Variants in BCL9 observed in about 807,000 individuals in gnomAD.
BCL9 encodes the protein B-cell CLL/lymphoma 9 protein.
A neutral mutation model predicts 88.5 loss-of-function variants in BCL9; 25 were observed. The observed-to-expected ratio is 0.28, with a 90% CI of 0.21 to 0.39. The LOEUF is 0.39. Among genes scored for constraint, BCL9 ranks in the 10% least tolerant of loss-of-function variants. The pLI, the probability that BCL9 is intolerant of heterozygous loss-of-function variation, is 1.00. For synonymous variants in BCL9, 711 were observed against 673.3 expected, an observed-to-expected ratio of 1.06 and a Z score of -0.87; for missense variants, 1,817 against 1,877.8, an observed-to-expected ratio of 0.97 and a Z score of 0.60.
chr1:147,598,629 A>G (rs1444370191), intron 1 of BCL9, among the ~76,000 whole-genome samples: 1 of 152,220 alleles, frequency 6.6e-6, no homozygotes, highest in Non-Finnish European at 1.5e-5. Context: ...CAGAAGATTT[A>G]TCTCGTCCTC....
intron 1 of BCL9, among the ~76,000 whole-genome samples, chr1:147,553,770 T>C (rs1654990418): frequency 6.6e-6 from 1 of 152,248 alleles, no homozygotes; most frequent in Admixed American, 6.5e-5. Flanking sequence ...GTAATTATTA[T>C]TAATAAGCAT....
intron 1 of BCL9, among the ~76,000 whole-genome samples, chr1:147,591,529 T>C (rs1170659624): frequency 6.6e-6 from 1 of 152,150 alleles, no homozygotes; most frequent in Non-Finnish European, 1.5e-5. Flanking sequence ...ATTGCGTATA[T>C]AAATAAGATC....
At chr1:147,595,796 G>T (rs1286012132) in intron 1 of BCL9, among the ~76,000 whole-genome samples, 1 of 152,192 alleles carries the variant, frequency 6.6e-6, no homozygotes, top group Non-Finnish European at 1.5e-5. Flanking sequence ...GAGATTTGGA[G>T]ATAAATGGTT....
intron 1 of BCL9, among the ~76,000 whole-genome samples, chr1:147,549,122 G>A (rs1393817930): frequency 6.6e-6 from 1 of 151,478 alleles, no homozygotes; most frequent in Non-Finnish European, 1.5e-5. Flanking sequence ...GATTACAGGT[G>A]TGCACCATGA....
chr1:147,598,598 C>T (rs1401971187), intron 1 of BCL9, among the ~76,000 whole-genome samples: 1 of 152,174 alleles, frequency 6.6e-6, no homozygotes, highest in Non-Finnish European at 1.5e-5. Context: ...TGGTTAAAAC[C>T]ATGGGTGATA....
At chr1:147,606,530 C>A (rs1657719297) in intron 2 of BCL9, among the ~76,000 whole-genome samples, 1 of 152,156 alleles carries the variant, frequency 6.6e-6, no homozygotes, top group Admixed American at 6.5e-5. Context: ...GTTTATATTT[C>A]TCCAGCCTCT....
chr1:147,585,153 G>T (rs1553199048), intron 1 of BCL9, among the ~76,000 whole-genome samples: 1 of 152,194 alleles, frequency 6.6e-6, no homozygotes, highest in African/African-American at 2.4e-5. Flanking sequence ...CTTTAGGGGA[G>T]CGGAGATTGT....
At chr1:147,553,981 C>T (rs782231634) in intron 1 of BCL9, among the ~76,000 whole-genome samples, 1 of 152,278 alleles carries the variant, frequency 6.6e-6, no homozygotes, top group Middle Eastern at 3.4e-3. Flanking sequence ...CTGAATTACT[C>T]TACTTGTAAG....
rs138526645 is a variant in BCL9 at position 147,597,669 on chromosome 1, G to A, written c.-477-7108G>A. Reference sequence around the variant, plus strand: ...GAAAATTCAGAGGGCAAAAATTCTAGTAAAATAACCTATTTAATAGAATAA... The same window carrying A: ...GAAAATTCAGAGGGCAAAAATTCTAATAAAATAACCTATTTAATAGAATAA... On this transcript the variant is annotated intron_variant, in intron 1 of 9. Transcript: ENST00000234739. Among the ~76,000 whole-genome samples the A allele has an allele frequency of 3.7e-3, 565 of 152,218 alleles. 4 individuals carry two copies. The highest frequency in any genetic ancestry group is 0.013 in the African/African-American group (543 of 41,532).
intron 1 of BCL9, among the ~76,000 whole-genome samples, chr1:147,558,267 A>G (rs1432073033): frequency 6.6e-6 from 1 of 152,164 alleles, no homozygotes; most frequent in Admixed American, 6.5e-5. Flanking sequence ...AAAATCCAGT[A>G]TGCTGTCCTT....
At chr1:147,603,363 A>G (rs587749282) in intron 1 of BCL9, among the ~76,000 whole-genome samples, 1 of 152,318 alleles carries the variant, frequency 6.6e-6, no homozygotes, top group African/African-American at 2.4e-5. Flanking sequence ...GGCTACGCCA[A>G]CCCCAAATGT....
rs1656567372 is a variant in BCL9 at position 147,585,631 on chromosome 1, A to T, written c.-477-19146A>T. On this transcript the variant is annotated intron_variant, in intron 1 of 9. Coordinates refer to ENST00000234739, the MANE Select transcript of BCL9 (RefSeq NM_004326.4). ...CTGTTGTTAGAGGCTATATAAGACA[A>T]CCTCAAAGTTAGTACCGGTTAACTA... Among the ~76,000 whole-genome samples the T allele has an allele frequency of 2.0e-5, 3 of 152,188 alleles. No homozygotes were observed. The South Asian group carries it at 6.2e-4, about 31-fold the overall frequency.
In BCL9 at chr1:147,618,950, C is replaced by T. The variant is rs1658444998; in HGVS notation, c.795C>T (p.Pro265=). The change falls in exon 8 of 10, where the codon CCC becomes CCT. Residue 265 remains proline (P), a synonymous_variant. Coordinates refer to ENST00000234739, the MANE Select transcript of BCL9 (RefSeq NM_004326.4). ...CTCCACCCATTCCGGCACCAGCACCCAAGCCTGCCGCACCCCCACGTCCCC... is the reference window on the plus strand; with the variant it reads ...CTCCACCCATTCCGGCACCAGCACCTAAGCCTGCCGCACCCCCACGTCCCC... ...QPTPPIPAPA[P]KPAAPPRPLD... 7 of 1,613,952 alleles carry T rather than the reference C, an allele frequency of 4.3e-6. No homozygotes were observed. The African/African-American group carries it at 5.3e-5, about 12-fold the overall frequency.
intron 1 of BCL9, among the ~76,000 whole-genome samples, chr1:147,589,591 C>T (rs1011263072): frequency 6.6e-5 from 10 of 152,186 alleles, no homozygotes; most frequent in African/African-American, 2.2e-4. Flanking sequence ...TAGTCTTTTG[C>T]ATCTGGCTTC....
intron 1 of BCL9, among the ~76,000 whole-genome samples, chr1:147,579,748 G>A (rs1656278860): frequency 6.6e-6 from 1 of 152,190 alleles, no homozygotes; most frequent in South Asian, 2.1e-4. Context: ...CTGAGATGGA[G>A]AACTCACGTG....
chr1:147,601,086 G>C (rs1553201220), intron 1 of BCL9, among the ~76,000 whole-genome samples: 2 of 152,146 alleles, frequency 1.3e-5, no homozygotes, highest in Admixed American at 1.3e-4. Flanking sequence ...ATTGCTGGGG[G>C]CCTTATGGGA....
chr1:147,596,104 T>C (rs1657035965), intron 1 of BCL9, among the ~76,000 whole-genome samples: 2 of 152,156 alleles, frequency 1.3e-5, no homozygotes, highest in Admixed American at 6.5e-5. Flanking sequence ...AGCAGGTATG[T>C]GGTGACACAG....
At chr1:147,560,632 A>T (rs1168562136) in intron 1 of BCL9, among the ~76,000 whole-genome samples, 2 of 148,562 alleles carry the variant, frequency 1.3e-5, no homozygotes, top group African/African-American at 5.0e-5. Flanking sequence ...TAAGGCCAGG[A>T]GCAGTGGCTC....
intron 1 of BCL9, among the ~76,000 whole-genome samples, chr1:147,591,295 A>G (rs968660506): frequency 6.6e-6 from 1 of 152,100 alleles, no homozygotes; most frequent in Non-Finnish European, 1.5e-5. Flanking sequence ...ATTAATTCCC[A>G]CCTTATTTAT....
Sources: allele counts gnomAD v4.1 joint callset (sites outside exome capture counted in the v4.1 genomes callset), GRCh38; gene constraint gnomAD v4.1.1; transcripts MANE v1.5; gene names NCBI Gene and HGNC (gene_info 2026-07-23, HGNC 2026-07-21).